The following DNAH11 variants were observed in gnomAD, a reference collection of about 807,000 sequenced individuals.
DNAH11 encodes axonemal beta dynein heavy chain 11.
A neutral mutation model predicts 526.0 loss-of-function variants in DNAH11; 442 were observed. That is an observed-to-expected ratio of 0.84 (90% confidence interval 0.78 to 0.91). The LOEUF (loss-of-function observed/expected upper bound fraction) is 0.91, where lower values mean the gene tolerates loss of function less well. Among genes scored for constraint, DNAH11 ranks in the 40% least tolerant of loss-of-function variants. DNAH11 has a pLI of 0.00. For missense variants in DNAH11, 6,989 were observed against 5,448.7 expected, an observed-to-expected ratio of 1.28 and a Z score of -8.90; for synonymous variants, 2,461 against 1,935.9, an observed-to-expected ratio of 1.27 and a Z score of -7.12.
intron 34 of DNAH11, among the ~76,000 whole-genome samples, chr7:21,690,413 G>A (rs758273247): frequency 2.0e-5 from 3 of 152,144 alleles, no homozygotes; most frequent in Non-Finnish European, 4.4e-5. Context: ...TGTCTATGCA[G>A]CATCCCATTC....
intron 54 of DNAH11, among the ~76,000 whole-genome samples, chr7:21,762,807 TG>T (rs1554278332): frequency 6.6e-6 from 1 of 152,182 alleles, no homozygotes; most frequent in Non-Finnish European, 1.5e-5. Context: ...AGATTCATCT[TG>T]GCAATGATTT....
At chr7:21,663,409 C>A (rs936439381) in intron 30 of DNAH11, among the ~76,000 whole-genome samples, 4 of 152,160 alleles carry the variant, frequency 2.6e-5, no homozygotes, top group Admixed American at 1.3e-4. Flanking sequence ...ATACTGTTTT[C>A]CATAGGGGTT....
rs534484091 is a variant in DNAH11, at chr7:21,687,152, C to T, written c.5675C>T (p.Ala1892Val). 5.0e-6 allele frequency: 8 copies of T among 1,613,344 alleles called. No individual in the cohort carries two copies. In the African/African-American group the frequency reaches 1.1e-4, roughly 22 times the overall value. ...SLHLTMSGAPAGPAGTGKTET... is the reference protein window; with the variant it reads ...SLHLTMSGAPVGPAGTGKTET... ...CATCTAACCATGAGTGGGGCTCCTG[C>T]TGGCCCAGCTGGTACCGGGAAAACA... Residue 1892 changes from alanine to valine, a missense_variant, in exon 33 of 82, where the codon GCT (alanine) becomes GTT (valine). Transcript: ENST00000409508.
In DNAH11 at chr7:21,895,370, A is replaced by G. The variant is rs548826649; in HGVS notation, c.13049+371A>G. On this transcript the variant is annotated intron_variant, in intron 79 of 81. Transcript: ENST00000409508. ...CTTGAATTTGCCTTTGTGTCATCTT[A>G]TAACTTTACTTTGCAAGCCTGAGAT... is the stretch of plus-strand genomic sequence containing the variant. Among the ~76,000 whole-genome samples the G allele has an allele frequency of 4.6e-5, 7 of 152,310 alleles. No homozygotes were observed. In the East Asian group the frequency reaches 1.2e-3, roughly 25 times the overall value.
intron 61 of DNAH11, among the ~76,000 whole-genome samples, chr7:21,796,807 A>G (rs1044888815): frequency 1.4e-4 from 22 of 152,248 alleles, no homozygotes; most frequent in Admixed American, 1.0e-3. Context: ...TCTGAGACTT[A>G]ACGAACTGAT....
chr7:21,830,395 G>A (rs565833277), intron 65 of DNAH11, among the ~76,000 whole-genome samples: 1 of 152,310 alleles, frequency 6.6e-6, no homozygotes, highest in Admixed American at 6.5e-5. Flanking sequence ...CAGAGTTTCT[G>A]ACCAAAGACT....
intron 6 of DNAH11, among the ~76,000 whole-genome samples, chr7:21,565,645 T>C (rs2128434027): frequency 6.6e-6 from 1 of 152,276 alleles, no homozygotes. Context: ...TGGATTGAAA[T>C]CTAATTTTCT....
intron 14 of DNAH11, among the ~76,000 whole-genome samples, chr7:21,598,708 G>A (rs1784958968): frequency 1.3e-5 from 2 of 152,134 alleles, no homozygotes; most frequent in South Asian, 2.1e-4. Flanking sequence ...AGTACCCACT[G>A]GTTATTTTTC....
rs192395057 is a variant in DNAH11, at chr7:21,901,380, G to T, written c.*126G>T. 3 of 1,298,462 alleles carry T rather than the reference G, an allele frequency of 2.3e-6. No homozygotes were observed. The African/African-American group carries it at 4.5e-5, about 19-fold the overall frequency. 80.4% of individuals were successfully genotyped at this position (1,298,462 alleles called of 1,614,324 possible). ...CTCACACGTGCATTCTTTTTTCAAC[G>T]CTATCCTTAGAGTGAAAGTCAGAAA... is the stretch of plus-strand genomic sequence containing the variant. On this transcript the variant is annotated 3_prime_UTR_variant, in exon 82 of 82. Coordinates refer to ENST00000409508, the MANE Select transcript of DNAH11 (RefSeq NM_001277115.2).
intron 8 of DNAH11, among the ~76,000 whole-genome samples, chr7:21,574,539 C>T (rs181937011): frequency 0.012 from 1,693 of 147,036 alleles, 55 homozygotes; most frequent in South Asian, 0.081. Context: ...TTTTGTTTTC[C>T]CTCCCTCCCT....
rs577662015 is a variant in DNAH11, at chr7:21,572,411, A to G, written c.1593+438A>G. Among the ~76,000 whole-genome samples, 6 of 152,196 alleles carry G rather than the reference A, an allele frequency of 3.9e-5. No homozygotes were observed. The South Asian group carries it at 1.2e-3, about 32-fold the overall frequency. ...TTGGTTGTTTCTTATAATTTTTGTTATTCTTGAGAGCTGATTATAATTTCA... is the reference window on the plus strand; with the variant it reads ...TTGGTTGTTTCTTATAATTTTTGTTGTTCTTGAGAGCTGATTATAATTTCA... On this transcript the variant is annotated intron_variant, in intron 8 of 81. Coordinates refer to ENST00000409508, the MANE Select transcript of DNAH11 (RefSeq NM_001277115.2).
At chr7:21,758,918 C>T (rs76018670) in intron 54 of DNAH11, among the ~76,000 whole-genome samples, 6,721 of 152,276 alleles carry the variant, frequency 0.044, 193 homozygotes, top group East Asian at 0.074. Context: ...GCAGAAACAC[C>T]ATCTACTCTA....
rs753474877 is a variant in DNAH11, at chr7:21,589,340, G to C, written c.2106G>C (p.Leu702Phe). 1.2e-6 allele frequency: 2 copies of C among 1,609,724 alleles called. No individual in the cohort carries two copies. The highest frequency in any genetic ancestry group is 8.5e-7 in the Non-Finnish European group (1 of 1,178,364). Residue 702 changes from leucine (L) to phenylalanine (F), a missense_variant, in exon 12 of 82, where the codon TTG (leucine) becomes TTC (phenylalanine). Physicochemically the swap from Leu to Phe is conservative, Grantham distance 22. Coordinates refer to ENST00000409508, the MANE Select transcript of DNAH11 (RefSeq NM_001277115.2). The part of the protein sequence containing the change: ...SNVDEICEFN[L>F]NQPLVKFSAI... ...TGGATGAAATCTGTGAATTCAATTT[G>C]AATCAACCCTTGGTTAAATTCAGTG...
intron 56 of DNAH11, among the ~76,000 whole-genome samples, chr7:21,775,386 G>T (rs10216160): frequency 0.018 from 2,771 of 152,218 alleles, 74 homozygotes; most frequent in African/African-American, 0.062. Flanking sequence ...GGAGGCTGAA[G>T]GGGGAGGATT....
chr7:21,551,687 C>G (rs148036575), intron 2 of DNAH11, among the ~76,000 whole-genome samples: 2 of 152,160 alleles, frequency 1.3e-5, no homozygotes, highest in African/African-American at 4.8e-5. Context: ...TCACATGGGA[C>G]GACCTATCCA....
intron 61 of DNAH11, 136 bp from the exon 62 acceptor site, chr7:21,801,001 C>T (rs752238973): frequency 7.0e-6 from 6 of 855,552 alleles, no homozygotes; most frequent in East Asian, 2.7e-5. Context: ...CCCTAAAATA[C>T]GTATGGTAAA....
rs757032762 is a variant in DNAH11, at chr7:21,854,400, A to T, written c.11147A>T (p.Tyr3716Phe). ...GTGGCAGCAAGAGCATCTCTTCTTT[A>T]TTTTGTTATTAATGACCTCCAAAAA... ...RPVAARASLL[Y>F]FVINDLQKIN... Residue 3716 changes from tyrosine (Y) to phenylalanine (F), a missense_variant, in exon 68 of 82, where the codon TAT becomes TTT. By Grantham distance (22) the Tyr-to-Phe change is conservative. Coordinates refer to ENST00000409508, the MANE Select transcript of DNAH11 (RefSeq NM_001277115.2). 2 of 1,613,824 alleles carry T rather than the reference A, an allele frequency of 1.2e-6. No individual in the cohort carries two copies. Among genetic ancestry groups the T allele is most frequent in the Admixed American group, 3.3e-5 (2 of 60,008 alleles).
intron 74 of DNAH11, among the ~76,000 whole-genome samples, chr7:21,874,081 G>A (rs972798770): frequency 6.6e-6 from 1 of 151,668 alleles, no homozygotes; most frequent in South Asian, 2.1e-4. Context: ...ATGAGCCACC[G>A]CGCCTGGCCG....
Position 21,696,959 on chromosome 7 carries a change from C to T in DNAH11, c.6042-1116C>T, listed in dbSNP as rs1204306174. 3.3e-5 allele frequency among the ~76,000 whole-genome samples: 5 copies of T among 152,172 alleles called. No homozygotes were observed. In the East Asian group the frequency reaches 7.7e-4, roughly 23 times the overall value. On this transcript the variant is annotated intron_variant, in intron 35 of 81. Transcript: ENST00000409508. ...TGCTAGTCTTTGCTCTCTCCATTTA[C>T]TCTTCATCTTCTGGTGTCATGTGAA... is the stretch of plus-strand genomic sequence containing the variant.
Sources: gnomAD v4.1 joint callset for allele counts (sites outside exome capture counted in the v4.1 genomes callset) on GRCh38, gnomAD v4.1.1 for gene constraint, MANE v1.5 for transcripts, NCBI Gene and HGNC (gene_info 2026-07-23, HGNC 2026-07-21) for gene names.